NAALADL2: variants seen among roughly 807,000 people sequenced by gnomAD.
NAALADL2 encodes N-acetylated alpha-linked acidic dipeptidase like 2.
In NAALADL2, 76 loss-of-function variants were observed where a neutral mutation model predicts 87.2. The ratio of observed to expected loss-of-function variants is 0.87; its 90% confidence interval spans 0.72 to 1.05. NAALADL2 has a LOEUF of 1.05. Ranked by LOEUF, NAALADL2 falls within the 50% of genes least tolerant of loss-of-function variation. NAALADL2 has a pLI of 0.00. For missense variants in NAALADL2, 1,089 were observed against 945.8 expected (o/e 1.15, Z -1.99); for synonymous variants, 354 against 331.0 (o/e 1.07, Z -0.75).
intron 4 of NAALADL2, among the ~76,000 whole-genome samples, chr3:175,266,503 T>G (rs1252584802): frequency 6.6e-6 from 1 of 151,710 alleles, no homozygotes; most frequent in Non-Finnish European, 1.5e-5. Context: ...GATTTAGTTC[T>G]AATTTCCCTT....
At chr3:175,332,435 G>A (rs534258644) in intron 5 of NAALADL2, among the ~76,000 whole-genome samples, 137 of 152,228 alleles carry the variant, frequency 9.0e-4, no homozygotes, top group African/African-American at 3.0e-3. Flanking sequence ...CAAGTAGCTG[G>A]GACCAAAGGG....
chr3:175,621,338 T>G (rs926657033), intron 10 of NAALADL2, among the ~76,000 whole-genome samples: 8 of 152,188 alleles, frequency 5.3e-5, no homozygotes, highest in Non-Finnish European at 1.0e-4. Flanking sequence ...GGTCTGGGAG[T>G]ACCTACCCTT....
intron 6 of NAALADL2, among the ~76,000 whole-genome samples, chr3:175,448,338 G>A (rs1449753507): frequency 6.6e-6 from 1 of 152,208 alleles, no homozygotes; most frequent in South Asian, 2.1e-4. Context: ...TTTTGTTTCT[G>A]CCATTTATTC....
At chr3:175,544,120 T>C (rs1185663082) in intron 9 of NAALADL2, among the ~76,000 whole-genome samples, 1 of 152,114 alleles carries the variant, frequency 6.6e-6, no homozygotes, top group Non-Finnish European at 1.5e-5. Flanking sequence ...GATTCTGGGC[T>C]CAGTTGAGTT....
chr3:175,438,439 C>G (rs755080988), intron 5 of NAALADL2, among the ~76,000 whole-genome samples: 1 of 152,050 alleles, frequency 6.6e-6, no homozygotes, highest in African/African-American at 2.4e-5. Flanking sequence ...GGTCTGATTT[C>G]TGTCAAAGTG....
chr3:174,510,602 C>T (rs1719537178), intron 1 of NAALADL2, among the ~76,000 whole-genome samples: 1 of 151,798 alleles, frequency 6.6e-6, no homozygotes, highest in Non-Finnish European at 1.5e-5. Flanking sequence ...CTTGATAAAT[C>T]TGGTTAGAGG....
chr3:175,681,739 T>G (rs1329633519), intron 11 of NAALADL2, among the ~76,000 whole-genome samples: 1 of 152,168 alleles, frequency 6.6e-6, no homozygotes, highest in Non-Finnish European at 1.5e-5. Context: ...ATGAAGAGTT[T>G]ATTTCTTGTA....
chr3:174,736,712 T>TCAGCC (rs1245798127), intron 2 of NAALADL2, among the ~76,000 whole-genome samples: 4 of 152,120 alleles, frequency 2.6e-5, no homozygotes, highest in African/African-American at 9.7e-5. Flanking sequence ...TTCTGGTCCA[T>TCAGCC]CAGCCCAGCC....
At chr3:174,634,752 C>T (rs909569969) in intron 2 of NAALADL2, among the ~76,000 whole-genome samples, 1 of 152,096 alleles carries the variant, frequency 6.6e-6, no homozygotes, top group Non-Finnish European at 1.5e-5. Context: ...TGGATAGATA[C>T]ACAATAGATG....
intron 3 of NAALADL2, among the ~76,000 whole-genome samples, chr3:174,800,615 C>A (rs1020784200): frequency 3.9e-5 from 6 of 152,150 alleles, no homozygotes; most frequent in African/African-American, 1.4e-4. Context: ...CCTACTGGGG[C>A]ACCGCCTAGT....
intron 4 of NAALADL2, among the ~76,000 whole-genome samples, chr3:175,323,798 A>C (rs148674696): frequency 0.014 from 2,103 of 151,914 alleles, 55 homozygotes; most frequent in African/African-American, 0.048. Flanking sequence ...TGGGCGGATC[A>C]CGAGGTCAGG....
At chr3:175,263,996 T>G (rs990011364) in intron 4 of NAALADL2, among the ~76,000 whole-genome samples, 3 of 151,862 alleles carry the variant, frequency 2.0e-5, no homozygotes, top group African/African-American at 7.2e-5. Context: ...AGCTTTTCCC[T>G]CTTCCTCTGT....
intron 4 of NAALADL2, among the ~76,000 whole-genome samples, chr3:175,262,535 G>A (rs1490637659): frequency 6.6e-6 from 1 of 150,814 alleles, no homozygotes; most frequent in Non-Finnish European, 1.5e-5. Flanking sequence ...GCACAAAAAA[G>A]GAAATCAATA....
At chr3:174,533,058 C>T (rs1331322583) in intron 1 of NAALADL2, among the ~76,000 whole-genome samples, 6 of 147,438 alleles carry the variant, frequency 4.1e-5, no homozygotes, top group Non-Finnish European at 7.5e-5. Flanking sequence ...TCATTACAGA[C>T]ACCCCTTACC....
chr3:175,071,614 T>C (rs1376333024), intron 1 of NAALADL2, among the ~76,000 whole-genome samples: 4 of 152,020 alleles, frequency 2.6e-5, no homozygotes, highest in Non-Finnish European at 5.9e-5. Flanking sequence ...GTGTGTGAGA[T>C]TGTGTACCGT....
chr3:175,704,576 G>A (rs1385296930), intron 11 of NAALADL2, among the ~76,000 whole-genome samples: 1 of 152,014 alleles, frequency 6.6e-6, no homozygotes, highest in Non-Finnish European at 1.5e-5. Context: ...ACTTGGTCAT[G>A]CCTCTTTGGT....
At chr3:175,130,068 A>G (rs914026649) in intron 2 of NAALADL2, among the ~76,000 whole-genome samples, 31 of 152,282 alleles carry the variant, frequency 2.0e-4, no homozygotes, top group Non-Finnish European at 4.3e-4. Flanking sequence ...GCGATGTTGT[A>G]TACGTTTTCA....
intron 6 of NAALADL2, among the ~76,000 whole-genome samples, chr3:175,457,934 T>G (rs564007153): frequency 6.6e-6 from 1 of 152,256 alleles, no homozygotes; most frequent in South Asian, 2.1e-4. Flanking sequence ...AGTCATTACT[T>G]AATTAGGATT....
chr3:174,732,209 A>T (rs1732768832), intron 2 of NAALADL2, among the ~76,000 whole-genome samples: 1 of 152,102 alleles, frequency 6.6e-6, no homozygotes, highest in African/African-American at 2.4e-5. Context: ...TATAAATATG[A>T]TTTTTTGACT....
Sources: allele counts gnomAD v4.1 joint callset (sites outside exome capture counted in the v4.1 genomes callset), GRCh38; gene constraint gnomAD v4.1.1; transcripts MANE v1.5; gene names NCBI Gene and HGNC (gene_info 2026-07-23, HGNC 2026-07-21).